Variants in PLCE1 observed in about 807,000 individuals in gnomAD.
PLCE1 encodes phospholipase C epsilon 1.
A neutral mutation model predicts 242.8 loss-of-function variants in PLCE1; 119 were observed. The observed-to-expected ratio is 0.49, with a 90% CI of 0.42 to 0.57. PLCE1 has a LOEUF of 0.57. Among genes scored for constraint, PLCE1 ranks in the 20% least tolerant of loss-of-function variants. The probability of loss-of-function intolerance (pLI) is 0.00; values close to 1 mark genes in which losing one functional copy is unlikely to be tolerated. For missense variants in PLCE1, 2,441 were observed against 2,788.8 expected (o/e 0.88, Z 2.81); for synonymous variants, 945 against 1,017.4 (o/e 0.93, Z 1.35).
intron 8 of PLCE1, 76 bp downstream of exon 8, chr10:94,246,697 G>A: frequency 1.5e-6 from 2 of 1,356,562 alleles, no homozygotes; most frequent in Non-Finnish European, 1.0e-6. Context: ...AGACCACCAG[G>A]TTCATGCTCC....
chr10:94,266,007 T>C, intron 16 of PLCE1, 49 bp downstream of exon 16: 5 of 1,581,606 alleles, frequency 3.2e-6, no homozygotes, highest in Non-Finnish European at 3.5e-6. Context: ...CCTAATTATT[T>C]ATGTAACCCC....
At chr10:94,098,633 G>A (rs1406485046) in intron 2 of PLCE1, among the ~76,000 whole-genome samples, 1 of 152,142 alleles carries the variant, frequency 6.6e-6, no homozygotes, top group Non-Finnish European at 1.5e-5. Flanking sequence ...TATGTCTTGT[G>A]AATCTTTTCA....
chr10:94,112,370 C>T (rs961602409), intron 2 of PLCE1, among the ~76,000 whole-genome samples: 4 of 152,032 alleles, frequency 2.6e-5, no homozygotes, highest in African/African-American at 7.2e-5. Flanking sequence ...TTTTATATGG[C>T]TCAGTGTAAT....
At chr10:94,005,187 T>C (rs2061009295) in intron 1 of PLCE1, among the ~76,000 whole-genome samples, 1 of 152,196 alleles carries the variant, frequency 6.6e-6, no homozygotes, top group Non-Finnish European at 1.5e-5. Flanking sequence ...TTCCAAGGAA[T>C]CAGACTAGAA....
chr10:94,084,530 C>T (rs978463073), intron 2 of PLCE1, among the ~76,000 whole-genome samples: 19 of 152,310 alleles, frequency 1.2e-4, no homozygotes, highest in South Asian at 6.2e-4. Context: ...AAACCATAAA[C>T]GCTTGTCTTG....
chr10:94,033,416 T>G (rs1192051085), intron 2 of PLCE1, among the ~76,000 whole-genome samples: 4 of 152,046 alleles, frequency 2.6e-5, no homozygotes, highest in Admixed American at 2.0e-4. Flanking sequence ...ATCAATAACA[T>G]TTTAGGATAT....
chr10:94,258,091 A>G (rs1247083430), intron 11 of PLCE1, among the ~76,000 whole-genome samples: 4 of 152,136 alleles, frequency 2.6e-5, no homozygotes, highest in Non-Finnish European at 2.9e-5. Context: ...GGAAGGTGCA[A>G]ATATAATCCT....
chr10:94,003,188 T>C (rs569596654), intron 1 of PLCE1, among the ~76,000 whole-genome samples: 1 of 152,356 alleles, frequency 6.6e-6, no homozygotes, highest in South Asian at 2.1e-4. Flanking sequence ...TGAGTGAAGA[T>C]AATAGACTGT....
At chr10:94,057,656 C>CA (rs2043943933) in intron 2 of PLCE1, among the ~76,000 whole-genome samples, 1 of 152,158 alleles carries the variant, frequency 6.6e-6, no homozygotes, top group Non-Finnish European at 1.5e-5. Flanking sequence ...GAGAACTTAA[C>CA]AAAAACTTAT....
At chr10:94,225,637 GAAGA>G (rs1000449140) in intron 4 of PLCE1, among the ~76,000 whole-genome samples, 6 of 152,130 alleles carry the variant, frequency 3.9e-5, no homozygotes, top group African/African-American at 1.2e-4. Flanking sequence ...TCTAAAAAAG[GAAGA>G]AAGAAAGAAA....
chr10:94,146,709 G>T (rs2136069197), intron 3 of PLCE1, among the ~76,000 whole-genome samples: 1 of 152,314 alleles, frequency 6.6e-6, no homozygotes, highest in South Asian at 2.1e-4. Context: ...GTCTTCGAGT[G>T]GGTTAATGTC....
chr10:94,174,923 A>G (rs1336290341), intron 4 of PLCE1, among the ~76,000 whole-genome samples: 1 of 152,136 alleles, frequency 6.6e-6, no homozygotes, highest in Non-Finnish European at 1.5e-5. Context: ...ATCAATGTTA[A>G]TTTCCTGGTT....
chr10:94,087,437 C>A (rs1454818555), intron 2 of PLCE1, among the ~76,000 whole-genome samples: 2 of 151,536 alleles, frequency 1.3e-5, no homozygotes, highest in African/African-American at 4.8e-5. Flanking sequence ...GTCCAACCTC[C>A]TAATTTTCTT....
intron 2 of PLCE1, among the ~76,000 whole-genome samples, chr10:94,071,495 GTTTTTTTTTTTT>G (rs559496577): frequency 1.2e-5 from 1 of 83,316 alleles, no homozygotes; most frequent in African/African-American, 5.4e-5. Flanking sequence ...TTTGGTTTTC[GTTTTTTTTTTTT>G]TTTTTTTTTG....
At chr10:94,159,899 G>A (rs955293774) in intron 3 of PLCE1, among the ~76,000 whole-genome samples, 2 of 152,120 alleles carry the variant, frequency 1.3e-5, no homozygotes, top group African/African-American at 2.4e-5. Flanking sequence ...ATAGTTTGCT[G>A]AGAATGATGG....
At chr10:94,084,505 T>C (rs1028075157) in intron 2 of PLCE1, among the ~76,000 whole-genome samples, 1 of 152,184 alleles carries the variant, frequency 6.6e-6, no homozygotes. Context: ...GCCCTTCCTG[T>C]GCCGACATTC....
At chr10:94,241,810 C>G (rs1221085791) in intron 7 of PLCE1, among the ~76,000 whole-genome samples, 1 of 147,924 alleles carries the variant, frequency 6.8e-6, no homozygotes, top group Admixed American at 6.7e-5. Context: ...AAAAAAAAGC[C>G]CCTCTAGAGG....
intron 13 of PLCE1, among the ~76,000 whole-genome samples, chr10:94,259,412 T>C (rs1253559917): frequency 6.6e-6 from 1 of 152,020 alleles, no homozygotes; most frequent in Non-Finnish European, 1.5e-5. Flanking sequence ...GCCTCCTGAG[T>C]AGCTGGGACT....
rs775462167 is a variant in PLCE1, at chr10:94,246,150, C to T, written c.2625C>T (p.His875=). The T allele has an allele frequency of 6.2e-7, 1 of 1,614,140 alleles. No individual in the cohort carries two copies. Among genetic ancestry groups the T allele is most frequent in the Non-Finnish European group, 8.5e-7 (1 of 1,180,022 alleles). ...ATVIHYDQDT[H]LSARCFLQLQ... ...TCATCCACTACGACCAGGACACACA[C>T]CTCTCTGCCCGCTGCTTCCTCCAGC... The change falls in exon 8 of 33, where the codon CAC becomes CAT. Residue 875 remains histidine (H), a synonymous_variant. Coordinates refer to ENST00000371380, the MANE Select transcript of PLCE1 (RefSeq NM_016341.4).
Sources: allele counts gnomAD v4.1 joint callset (sites outside exome capture counted in the v4.1 genomes callset), GRCh38; gene constraint gnomAD v4.1.1; transcripts MANE v1.5; gene names NCBI Gene and HGNC (gene_info 2026-07-23, HGNC 2026-07-21).